Variants in IL1RAPL1 observed in about 807,000 individuals in gnomAD.
IL1RAPL1 encodes the protein interleukin-1 receptor accessory protein-like 1.
Under a neutral mutation model 48.4 loss-of-function variants are expected in IL1RAPL1, and 3 were observed. That is an observed-to-expected ratio of 0.06 (90% CI 0.03 to 0.16). IL1RAPL1 has a LOEUF of 0.16. Ranked by LOEUF, IL1RAPL1 falls within the 10% of genes least tolerant of loss-of-function variation. IL1RAPL1 has a pLI of 1.00. For synonymous variants in IL1RAPL1, 185 were observed against 187.7 expected, an observed-to-expected ratio of 0.99 and a Z score of 0.12; for missense variants, 349 against 530.6, an observed-to-expected ratio of 0.66 and a Z score of 3.36.
chrX:29,248,388 A>G (rs1027386991), intron 2 of IL1RAPL1, among the ~76,000 whole-genome samples: 21 of 112,180 alleles, frequency 1.9e-4, no homozygotes, highest in African/African-American at 6.2e-4. Context: ...ATGCCACTGC[A>G]CTACAGCCTG....
intron 2 of IL1RAPL1, among the ~76,000 whole-genome samples, chrX:28,867,612 A>C (rs1331892966): frequency 8.9e-6 from 1 of 112,420 alleles, no homozygotes; most frequent in Non-Finnish European, 1.9e-5. Context: ...AAACCTAAAA[A>C]TATGACTTTG....
intron 1 of IL1RAPL1, among the ~76,000 whole-genome samples, chrX:28,630,384 T>G (rs1934386196): frequency 8.9e-6 from 1 of 111,863 alleles, no homozygotes; most frequent in African/African-American, 3.3e-5. Context: ...AGGGGCTTAT[T>G]TGATCATCAT....
intron 2 of IL1RAPL1, among the ~76,000 whole-genome samples, chrX:28,985,811 C>T (rs1235957721): frequency 2.7e-5 from 3 of 109,922 alleles, no homozygotes; most frequent in African/African-American, 1.0e-4. Context: ...AGGCGCCCGC[C>T]ACCTCGCCCG....
chrX:29,408,077 G>A (rs778802086), intron 5 of IL1RAPL1, among the ~76,000 whole-genome samples: 2 of 111,514 alleles, frequency 1.8e-5, no homozygotes, highest in Admixed American at 9.6e-5. Context: ...ATATATGTGG[G>A]AATGTGGGTA....
intron 5 of IL1RAPL1, among the ~76,000 whole-genome samples, chrX:29,633,470 C>T (rs6630925): frequency 0.11 from 9,637 of 84,965 alleles, 433 homozygotes; most frequent in Middle Eastern, 0.23. Flanking sequence ...TATATATATA[C>T]ACACACACAC....
intron 3 of IL1RAPL1, among the ~76,000 whole-genome samples, chrX:29,307,915 A>G (rs771859165): frequency 8.9e-6 from 1 of 112,421 alleles, no homozygotes; most frequent in African/African-American, 3.2e-5. Context: ...AAAACTGCCA[A>G]AGGAAATTTT....
At chrX:29,778,534 A>G (rs1929261800) in intron 6 of IL1RAPL1, among the ~76,000 whole-genome samples, 1 of 112,069 alleles carries the variant, frequency 8.9e-6, no homozygotes, top group Admixed American at 9.5e-5. Flanking sequence ...TAAGTGATCA[A>G]CAAATATTTT....
chrX:29,118,863 A>G (rs1055494860), intron 2 of IL1RAPL1, among the ~76,000 whole-genome samples: 6 of 111,935 alleles, frequency 5.4e-5, no homozygotes, highest in African/African-American at 1.9e-4. Flanking sequence ...GATTTGCAAC[A>G]ATATATGTTA....
At position 28,873,739 on chromosome X, in the gene IL1RAPL1, G is replaced by A. The variant is rs780686478; in HGVS notation, c.82+84314G>A. ...GTAGAGACGGGGTTTCACTGTGTTA[G>A]CCAGGATGGTCTGGATCTCCTGACC... is the stretch of plus-strand genomic sequence containing the variant. On this transcript the variant is annotated intron_variant, in intron 2 of 10. Transcript: ENST00000378993. Among the ~76,000 whole-genome samples the A allele has an allele frequency of 2.6e-4, 28 of 106,473 alleles. 1 individual carries two copies. The East Asian group carries it at 6.3e-3, about 24-fold the overall frequency. 92.5% of individuals were successfully genotyped at this position (106,473 alleles called of 115,157 possible). A position where few individuals can be genotyped will look rare whatever the true frequency, so the allele number is the denominator to read the frequency against.
intron 1 of IL1RAPL1, among the ~76,000 whole-genome samples, chrX:28,625,387 C>G (rs1934328823): frequency 8.9e-6 from 1 of 112,073 alleles, no homozygotes; most frequent in South Asian, 3.7e-4. Flanking sequence ...GATCAGCCAC[C>G]TACTGGGCCC....
At chrX:28,634,455 A>G (rs756501789) in intron 1 of IL1RAPL1, among the ~76,000 whole-genome samples, 1 of 109,188 alleles carries the variant, frequency 9.2e-6, no homozygotes, top group Admixed American at 1.0e-4. Flanking sequence ...ATATATGTAT[A>G]TATGTGTATA....
chrX:29,364,088 G>T (rs1488145893), intron 3 of IL1RAPL1, among the ~76,000 whole-genome samples: 1 of 112,314 alleles, frequency 8.9e-6, no homozygotes, highest in Non-Finnish European at 1.9e-5. Context: ...TATATTTTTA[G>T]TTAAAAGCCA....
intron 5 of IL1RAPL1, among the ~76,000 whole-genome samples, chrX:29,458,689 C>CGGTAT (rs1934768177): frequency 9.2e-6 from 1 of 108,475 alleles, no homozygotes. Context: ...TTTCTCTGAT[C>CGGTAT]GGTATGGTCT....
intron 6 of IL1RAPL1, among the ~76,000 whole-genome samples, chrX:29,702,911 A>G (rs1422071073): frequency 8.9e-6 from 1 of 112,512 alleles, no homozygotes; most frequent in Non-Finnish European, 1.9e-5. Context: ...ATACAGCATT[A>G]CTAAACTAAA....
At chrX:29,470,420 T>C (rs944652951) in intron 5 of IL1RAPL1, among the ~76,000 whole-genome samples, 13 of 111,164 alleles carry the variant, frequency 1.2e-4, no homozygotes, top group African/African-American at 3.9e-4. Context: ...ATAATAGTTA[T>C]GGCTTATGTA....
chrX:28,969,866 T>C (rs1449132292), intron 2 of IL1RAPL1, among the ~76,000 whole-genome samples: 83 of 71,530 alleles, frequency 1.2e-3, no homozygotes, highest in African/African-American at 1.9e-3. Context: ...TCTAAACACA[T>C]ATATATATGT....
chrX:28,597,470 G>A (rs1029803712), intron 1 of IL1RAPL1, among the ~76,000 whole-genome samples: 3 of 111,483 alleles, frequency 2.7e-5, no homozygotes, highest in Non-Finnish European at 5.6e-5. Context: ...GTGGCTTCAC[G>A]CCTGTAATCC....
At chrX:28,924,261 G>A (rs1923684416) in intron 2 of IL1RAPL1, 1 of 111,766 alleles carries the variant, frequency 8.9e-6, no homozygotes, top group Admixed American at 9.5e-5. Flanking sequence ...AGGAATCTGT[G>A]GTTTATCATC....
At chrX:28,588,206 A>ATG (rs768348078) in intron 1 of IL1RAPL1, among the ~76,000 whole-genome samples, 159 bp downstream of exon 1, 1,884 of 49,849 alleles carry the variant, frequency 0.038, 17 homozygotes, top group Non-Finnish European at 0.049. Context: ...GTGTGTTGAT[A>ATG]TGTGTGTGTG....
Sources: gnomAD v4.1 joint callset for allele counts (sites outside exome capture counted in the v4.1 genomes callset) on GRCh38, gnomAD v4.1.1 for gene constraint, MANE v1.5 for transcripts, NCBI Gene and HGNC (gene_info 2026-07-23, HGNC 2026-07-21) for gene names.